Variants in ZFP14 observed in about 807,000 individuals in gnomAD.
ZFP14 encodes the protein ZFP14 zinc finger protein, also known as zinc finger protein 14 homolog.
In ZFP14, 22 loss-of-function variants were observed where a neutral mutation model predicts 54.5. That is an observed-to-expected ratio of 0.40 (90% CI 0.29 to 0.58). The LOEUF (loss-of-function observed/expected upper bound fraction) is 0.58, where lower values mean the gene tolerates loss of function less well. ZFP14 is among the 20% of genes least tolerant of loss of function. ZFP14 has a pLI of 0.39. For synonymous variants in ZFP14, 159 were observed against 204.0 expected, an observed-to-expected ratio of 0.78 and a Z score of 1.88; for missense variants, 470 against 637.8, an observed-to-expected ratio of 0.74 and a Z score of 2.83.
At chr19:36,375,609 G>A (rs1337294568) in intron 1 of ZFP14, among the ~76,000 whole-genome samples, 3 of 148,528 alleles carry the variant, frequency 2.0e-5, no homozygotes, top group African/African-American at 7.5e-5. Context: ...CCAGGCTGGA[G>A]TGCAGTGGTG....
intron 4 of ZFP14, among the ~76,000 whole-genome samples, chr19:36,349,095 G>A (rs1192460717): frequency 2.0e-5 from 3 of 151,590 alleles, no homozygotes; most frequent in African/African-American, 7.3e-5. Context: ...CGGGTGTAGT[G>A]CCACATGCCT....
In ZFP14 at chr19:36,360,469, C is replaced by T. The variant is rs2145555315; in HGVS notation, c.201G>A (p.Met67Ile). Residue 67 changes from methionine to isoleucine, a missense_variant, in exon 4 of 5, where the codon ATG (methionine) becomes ATA (isoleucine). By Grantham distance (10) the Met-to-Ile change is conservative (BLOSUM62 1). Transcript: ENST00000270001. Reference sequence around the variant, plus strand: ...ATCTTCTTGTCCCTTCCCTCACAACCATCCCAGGTTCCTTCCTTTCTTCAT... The same window carrying T: ...ATCTTCTTGTCCCTTCCCTCACAACTATCCCAGGTTCCTTCCTTTCTTCAT... The part of the protein sequence containing the change: ...LLDEERKEPG[M>I]VVREGTRRYC... 2 of 1,613,708 alleles carry T rather than the reference C, an allele frequency of 1.2e-6. No individual in the cohort carries two copies. The highest frequency in any genetic ancestry group is 1.3e-5 in the African/African-American group (1 of 75,052).
chr19:36,367,087 G>A (rs988974552), intron 2 of ZFP14, among the ~76,000 whole-genome samples: 10 of 151,798 alleles, frequency 6.6e-5, no homozygotes, highest in Non-Finnish European at 1.5e-4. Flanking sequence ...CCAGAAGGTG[G>A]AGGTTGCAGT....
intron 4 of ZFP14, among the ~76,000 whole-genome samples, chr19:36,346,087 G>A (rs368127647): frequency 5.3e-5 from 8 of 152,242 alleles, no homozygotes; most frequent in Admixed American, 2.6e-4. Context: ...GAGCCCAGGA[G>A]TTCAAGACCA....
At chr19:36,352,057 G>A (rs138213513) in intron 4 of ZFP14, among the ~76,000 whole-genome samples, 10,160 of 140,342 alleles carry the variant, frequency 0.072, 1,821 homozygotes, top group Non-Finnish European at 0.11. Context: ...GGTGGTGAGC[G>A]CCTGTAGTCC....
intron 4 of ZFP14, chr19:36,360,185 G>A (rs1273498882): frequency 3.4e-6 from 1 of 293,842 alleles, no homozygotes; most frequent in African/African-American, 2.2e-5. Context: ...ACCAGGAATA[G>A]TTCTTCTCTT....
At chr19:36,376,821 C>T (rs1045648265) in intron 1 of ZFP14, among the ~76,000 whole-genome samples, 8 of 152,212 alleles carry the variant, frequency 5.3e-5, no homozygotes, top group Non-Finnish European at 1.2e-4. Context: ...TCATTATCCT[C>T]ATTTTGCAGA....
rs376773306 is a variant in ZFP14, at chr19:36,358,222, C to A, written c.235+2213G>T. ...GCCTCCCGGGTTCAACCAATTCTCC[C>A]ACCTCAGCCTCCTGACTAGCTGGGA... On this transcript the variant is annotated intron_variant, in intron 4 of 4. Transcript: ENST00000270001. Among the ~76,000 whole-genome samples the A allele has an allele frequency of 5.3e-5, 8 of 151,870 alleles. No homozygotes were observed. In the East Asian group the frequency reaches 1.2e-3, roughly 22 times the overall value.
chr19:36,337,093 T>C lies in ZFP14; in HGVS notation c.*3131A>G, dbSNP rs1376949427. 2.0e-5 allele frequency: 3 copies of C among 152,216 alleles called. No individual in the cohort carries two copies. The highest frequency in any genetic ancestry group is 2.0e-4 in the Admixed American group (3 of 15,284). The allele number at this position is 152,216 out of a possible 1,614,324, so 9.4% of individuals were successfully genotyped here. A position where few individuals can be genotyped will look rare whatever the true frequency, so the allele number is the denominator to read the frequency against. The stretch of plus-strand genomic sequence containing the variant: ...CCAAATTAATATATGTAAATATCAT[T>C]TAATATTTAGTCCATGTCCACACTT... On this transcript the variant is annotated 3_prime_UTR_variant, in exon 5 of 5. Coordinates refer to ENST00000270001, the MANE Select transcript of ZFP14 (RefSeq NM_020917.3).
intron 4 of ZFP14, among the ~76,000 whole-genome samples, chr19:36,349,244 A>C (rs1449230231): frequency 4.0e-4 from 17 of 42,860 alleles, no homozygotes; most frequent in South Asian, 1.3e-3. Flanking sequence ...AAAAAAAAAC[A>C]AAAAAAAAAA....
chr19:36,360,527 G>A lies in ZFP14; in HGVS notation c.143C>T (p.Ser48Phe), dbSNP rs1210683679. ...NYSNFISLGP[S>F]ISKPDVITLL... is the part of the protein sequence containing the mutation. ...GGTAATCACATCTGGTTTAGAAATGGAAGGTCCTGCTTAAAAGAAAAATGT... is the reference window on the plus strand; with the variant it reads ...GGTAATCACATCTGGTTTAGAAATGAAAGGTCCTGCTTAAAAGAAAAATGT... The change falls in exon 4 of 5, where the codon TCC becomes TTC. Residue 48 changes from serine to phenylalanine, a missense_variant. Coordinates refer to ENST00000270001, the MANE Select transcript of ZFP14 (RefSeq NM_020917.3). 1.2e-6 allele frequency: 2 copies of A among 1,611,510 alleles called. No homozygotes were observed. Among genetic ancestry groups the A allele is most frequent in the Non-Finnish European group, 1.7e-6 (2 of 1,178,804 alleles).
chr19:36,379,181 G>C lies in ZFP14; in HGVS notation c.-98C>G, dbSNP rs1221170987. The C allele has an allele frequency of 2.0e-5, 3 of 152,548 alleles. No individual in the cohort carries two copies. The highest frequency in any genetic ancestry group is 7.2e-5 in the African/African-American group (3 of 41,438). 9.4% of individuals were successfully genotyped at this position (152,548 alleles called of 1,614,324 possible). On this transcript the variant is annotated 5_prime_UTR_variant, in exon 1 of 5. Transcript: ENST00000270001. ...AACTCACCTCTCGGAGCCGACACCA[G>C]CAGCGAAGCCGGAAAGAACTGCGAG... is the stretch of plus-strand genomic sequence containing the variant.
At chr19:36,365,732 G>A (rs1373658851) in intron 2 of ZFP14, among the ~76,000 whole-genome samples, 1 of 152,154 alleles carries the variant, frequency 6.6e-6, no homozygotes, top group Non-Finnish European at 1.5e-5. Context: ...GCTAAAGTGG[G>A]AGAATCACTT....
rs2031203729 is a variant in ZFP14 at position 36,336,660 on chromosome 19, A to G, written c.*3564T>C. The G allele has an allele frequency of 6.6e-6, 1 of 152,188 alleles. No homozygotes were observed. The highest frequency in any genetic ancestry group is 1.5e-5 in the Non-Finnish European group (1 of 68,026). 9.4% of individuals were successfully genotyped at this position (152,188 alleles called of 1,614,324 possible). A position where few individuals can be genotyped will look rare whatever the true frequency, so the allele number is the denominator to read the frequency against. ...CAGGCCTGGTGTTGCTGCTGTGGGT[A>G]AGTGAAGAAGATGAAGACTGTATCC... On this transcript the variant is annotated 3_prime_UTR_variant, in exon 5 of 5. Transcript: ENST00000270001.
At position 36,360,233 on chromosome 19, in the gene ZFP14, T is replaced by C. The variant is rs1600078752; in HGVS notation, c.235+202A>G. The C allele has an allele frequency of 8.1e-6, 3 of 368,812 alleles. No homozygotes were observed. The East Asian group carries it at 1.2e-4, about 15-fold the overall frequency. 22.8% of individuals were successfully genotyped at this position (368,812 alleles called of 1,614,324 possible). ...GAAATATGAAAGATGAGAAACAGTG[T>C]TGCATTCAAGATCAATAGAAAGTTC... On this transcript the variant is annotated intron_variant, in intron 4 of 4. Coordinates refer to ENST00000270001, the MANE Select transcript of ZFP14 (RefSeq NM_020917.3).
intron 4 of ZFP14, among the ~76,000 whole-genome samples, chr19:36,357,630 T>C (rs1183984130): frequency 6.6e-6 from 1 of 152,232 alleles, no homozygotes; most frequent in Non-Finnish European, 1.5e-5. Flanking sequence ...GACCCTTTAG[T>C]GCGTGTGTGG....
intron 4 of ZFP14, among the ~76,000 whole-genome samples, chr19:36,359,631 G>A (rs1333586075): frequency 2.0e-5 from 3 of 151,994 alleles, no homozygotes; most frequent in African/African-American, 7.2e-5. Flanking sequence ...AGTAATTCAT[G>A]GCATTCTCTT....
At chr19:36,367,313 C>T (rs866974172) in intron 2 of ZFP14, among the ~76,000 whole-genome samples, 1 of 152,136 alleles carries the variant, frequency 6.6e-6, no homozygotes, top group African/African-American at 2.4e-5. Flanking sequence ...GGAGGACATT[C>T]TGCAGAGAAT....
chr19:36,355,683 A>G (rs1479478876), intron 4 of ZFP14, among the ~76,000 whole-genome samples: 1 of 132,282 alleles, frequency 7.6e-6, no homozygotes, highest in Non-Finnish European at 1.7e-5. Context: ...GCCCTGTCTC[A>G]AAAAAAAAAA....
Sources: allele counts gnomAD v4.1 joint callset (sites outside exome capture counted in the v4.1 genomes callset), GRCh38; gene constraint gnomAD v4.1.1; transcripts MANE v1.5; gene names NCBI Gene and HGNC (gene_info 2026-07-23, HGNC 2026-07-21).